Variants in INPP4B observed in about 807,000 individuals in gnomAD.
INPP4B encodes inositol polyphosphate-4-phosphatase type II B.
In INPP4B, 55 loss-of-function variants were observed where a neutral mutation model predicts 122.5. The ratio of observed to expected loss-of-function variants is 0.45; its 90% CI spans 0.36 to 0.56. The LOEUF is 0.56. Ranked by LOEUF, INPP4B falls within the 20% of genes least tolerant of loss-of-function variation. The pLI is 0.00. For synonymous variants in INPP4B, 403 were observed against 388.7 expected, an observed-to-expected ratio of 1.04 and a Z score of -0.43; for missense variants, 1,000 against 1,097.7, an observed-to-expected ratio of 0.91 and a Z score of 1.26.
intron 2 of INPP4B, among the ~76,000 whole-genome samples, chr4:142,554,363 AG>A (rs1392380896): frequency 1.3e-4 from 4 of 31,340 alleles, no homozygotes; most frequent in South Asian, 2.3e-3. Flanking sequence ...CACTTGCAAT[AG>A]TAAAAAAAAA....
At chr4:142,467,489 A>T (rs1221405893) in intron 2 of INPP4B, among the ~76,000 whole-genome samples, 2 of 151,814 alleles carry the variant, frequency 1.3e-5, no homozygotes, top group South Asian at 4.1e-4. Flanking sequence ...TGTTTACCCA[A>T]TGCTTATACC....
intron 14 of INPP4B, among the ~76,000 whole-genome samples, chr4:142,205,645 T>C (rs1842303987): frequency 6.6e-6 from 1 of 152,148 alleles, no homozygotes; most frequent in East Asian, 1.9e-4. Context: ...GGAATGAGAA[T>C]GAAATTGCTT....
At chr4:142,048,922 C>A (rs1276626133) in intron 25 of INPP4B, among the ~76,000 whole-genome samples, 1 of 151,838 alleles carries the variant, frequency 6.6e-6, no homozygotes, top group South Asian at 2.1e-4. Context: ...CATATCAATG[C>A]CAAAGGACAC....
chr4:142,096,657 T>A (rs1312930845), intron 23 of INPP4B, among the ~76,000 whole-genome samples: 2 of 152,150 alleles, frequency 1.3e-5, no homozygotes, highest in African/African-American at 4.8e-5. Flanking sequence ...TTTTTAATGC[T>A]AAAAAAGCAT....
At chr4:142,083,347 G>C (rs937456502) in intron 24 of INPP4B, among the ~76,000 whole-genome samples, 1 of 152,014 alleles carries the variant, frequency 6.6e-6, no homozygotes, top group African/African-American at 2.4e-5. Context: ...TTGTTATTCT[G>C]ATTTAAGTCA....
chr4:142,714,498 T>C (rs1763519690), intron 2 of INPP4B, among the ~76,000 whole-genome samples: 1 of 152,218 alleles, frequency 6.6e-6, no homozygotes, highest in Non-Finnish European at 1.5e-5. Context: ...TTGCAGCTTG[T>C]GGTGCTTTTT....
At chr4:142,717,907 CA>C (rs33932611) in intron 2 of INPP4B, among the ~76,000 whole-genome samples, 9,656 of 58,488 alleles carry the variant, frequency 0.17, 434 homozygotes, top group African/African-American at 0.28. Context: ...AAAAAGAAAG[CA>C]AAAAAAAAAA....
intron 2 of INPP4B, among the ~76,000 whole-genome samples, chr4:142,537,429 T>TATATATATATATATATATATATATAGAG (rs1200701380): frequency 3.9e-5 from 1 of 25,484 alleles, no homozygotes; most frequent in African/African-American, 1.2e-4. Context: ...TATATATATA[T>TATATATATATATATATATATATATAGAG]AGAGAGAGAG....
At chr4:142,745,804 C>A (rs1432155172) in intron 1 of INPP4B, among the ~76,000 whole-genome samples, 2 of 151,688 alleles carry the variant, frequency 1.3e-5, no homozygotes, top group Admixed American at 6.6e-5. Context: ...AGATAAATCT[C>A]AAGACAAAAT....
chr4:142,029,846 C>A, intron 25 of INPP4B: 1 of 1,065,260 alleles, frequency 9.4e-7, no homozygotes, highest in Non-Finnish European at 1.1e-6. Flanking sequence ...GAACTTCAAG[C>A]TTTCAGGATT....
chr4:142,226,642 C>A (rs1354779229), intron 12 of INPP4B, among the ~76,000 whole-genome samples: 1 of 152,122 alleles, frequency 6.6e-6, no homozygotes, highest in Non-Finnish European at 1.5e-5. Flanking sequence ...CAACATGAAT[C>A]ATGAATTCTA....
chr4:142,534,658 A>C (rs1031086676), intron 2 of INPP4B, among the ~76,000 whole-genome samples: 6 of 150,476 alleles, frequency 4.0e-5, no homozygotes, highest in Admixed American at 6.7e-5. Flanking sequence ...CAAATAGGAT[A>C]TATTATTAAT....
chr4:142,044,068 TTAGA>T (rs10552094), intron 25 of INPP4B, among the ~76,000 whole-genome samples: 2,387 of 130,048 alleles, frequency 0.018, 81 homozygotes, highest in African/African-American at 0.061. Context: ...AATTAAGATT[TTAGA>T]TAGAAGATCA....
At chr4:142,039,254 C>A (rs1337738289) in intron 25 of INPP4B, among the ~76,000 whole-genome samples, 1 of 152,044 alleles carries the variant, frequency 6.6e-6, no homozygotes, top group East Asian at 1.9e-4. Flanking sequence ...ACAAAGCATG[C>A]TGAAATTGTA....
intron 14 of INPP4B, chr4:142,202,801 C>T (rs1005198580): frequency 1.1e-5 from 11 of 984,742 alleles, no homozygotes; most frequent in East Asian, 2.3e-4. Flanking sequence ...TGAGAGTGGG[C>T]GGGGCCGTGC....
chr4:142,787,283 G>T (rs545334006), intron 1 of INPP4B, among the ~76,000 whole-genome samples: 1 of 152,186 alleles, frequency 6.6e-6, no homozygotes, highest in Non-Finnish European at 1.5e-5. Flanking sequence ...TAGTGAGAGG[G>T]GATTCGGCCA....
At chr4:142,769,987 C>T (rs1041168118) in intron 1 of INPP4B, among the ~76,000 whole-genome samples, 3 of 152,098 alleles carry the variant, frequency 2.0e-5, no homozygotes, top group African/African-American at 7.2e-5. Context: ...TATTATTACT[C>T]ATTGACAAAT....
chr4:142,532,660 A>AAT (rs2149991904), intron 2 of INPP4B, among the ~76,000 whole-genome samples: 1 of 152,270 alleles, frequency 6.6e-6, no homozygotes, highest in African/African-American at 2.4e-5. Context: ...ATGAATAACA[A>AAT]ATATATATGT....
In INPP4B at chr4:142,082,036, CATGCA is replaced by C; in HGVS notation, c.2632_2636del (p.Cys878GlufsTer44). 6.9e-7 allele frequency: 1 copy of C among 1,447,234 alleles called. No homozygotes were observed. The highest frequency in any genetic ancestry group is 9.3e-7 in the Non-Finnish European group (1 of 1,078,342). 89.6% of individuals were successfully genotyped at this position (1,447,234 alleles called of 1,614,324 possible). A position where few individuals can be genotyped will look rare whatever the true frequency, so the allele number is the denominator to read the frequency against. On this transcript the variant is annotated frameshift_variant, in exon 25 of 26. Coordinates refer to ENST00000262992, the MANE Select transcript of INPP4B (RefSeq NM_001101669.3). LOFTEE classifies it high-confidence loss of function. ...TTGAAAAACATGTGAGATACCTTCT[CATGCA>C]ATCCAGCGCTCGGATAAAGAAGTCC...
Sources: allele counts gnomAD v4.1 joint callset (sites outside exome capture counted in the v4.1 genomes callset), GRCh38; gene constraint gnomAD v4.1.1; transcripts MANE v1.5; gene names NCBI Gene and HGNC (gene_info 2026-07-23, HGNC 2026-07-21).